Variants in ARHGAP24 observed in about 807,000 individuals in gnomAD.
ARHGAP24 encodes Rho GTPase activating protein 24.
Under a neutral mutation model 76.4 loss-of-function variants are expected in ARHGAP24, and 50 were observed. That is an observed-to-expected ratio of 0.65 (90% CI 0.52 to 0.83). The LOEUF is 0.83. Among genes scored for constraint, ARHGAP24 ranks in the 40% least tolerant of loss-of-function variants. The probability of loss-of-function intolerance (pLI) is 0.00; values close to 1 mark genes in which losing one functional copy is unlikely to be tolerated. For synonymous variants in ARHGAP24, 345 were observed against 323.3 expected (o/e 1.07, Z -0.72); for missense variants, 930 against 914.2 (o/e 1.02, Z -0.22).
At chr4:85,862,828 A>G (rs1027347695) in intron 3 of ARHGAP24, among the ~76,000 whole-genome samples, 2 of 152,044 alleles carry the variant, frequency 1.3e-5, no homozygotes, top group Admixed American at 6.6e-5. Context: ...AGTCCTTTCA[A>G]TGCTACTCCC....
intron 2 of ARHGAP24, among the ~76,000 whole-genome samples, chr4:85,598,643 T>G (rs893828124): frequency 1.3e-5 from 2 of 151,960 alleles, no homozygotes; most frequent in African/African-American, 4.8e-5. Flanking sequence ...ATAGTGTTAA[T>G]CATGACCCAA....
intron 6 of ARHGAP24, among the ~76,000 whole-genome samples, chr4:85,973,749 A>G (rs1039471527): frequency 6.6e-6 from 1 of 151,584 alleles, no homozygotes; most frequent in Non-Finnish European, 1.5e-5. Context: ...GTGGATATAC[A>G]ATTGTCCCAG....
At chr4:85,601,598 C>T (rs1301754104) in intron 2 of ARHGAP24, among the ~76,000 whole-genome samples, 1 of 152,112 alleles carries the variant, frequency 6.6e-6, no homozygotes, top group Admixed American at 6.6e-5. Context: ...GCCAAATTCT[C>T]CCAGTTGAGA....
At chr4:85,969,525 T>C (rs1287775434) in intron 5 of ARHGAP24, among the ~76,000 whole-genome samples, 1 of 152,150 alleles carries the variant, frequency 6.6e-6, no homozygotes, top group African/African-American at 2.4e-5. Context: ...TATGGCTAAT[T>C]GTCATTGACT....
At chr4:85,972,212 T>A in intron 6 of ARHGAP24, 44 bp downstream of exon 6, 5 of 1,609,310 alleles carry the variant, frequency 3.1e-6, no homozygotes, top group Non-Finnish European at 4.2e-6. Context: ...TGTTTGGAAT[T>A]TTTTTCTGTG....
intron 1 of ARHGAP24, among the ~76,000 whole-genome samples, chr4:85,559,042 G>T (rs555350841): frequency 6.6e-6 from 1 of 152,296 alleles, no homozygotes; most frequent in Non-Finnish European, 1.5e-5. Context: ...ATCAGGGAAA[G>T]TGCTGGAGGG....
intron 5 of ARHGAP24, among the ~76,000 whole-genome samples, chr4:85,968,470 T>C (rs1738763258): frequency 6.6e-6 from 1 of 152,190 alleles, no homozygotes; most frequent in African/African-American, 2.4e-5. Context: ...GATATCTAAT[T>C]AATTGGTTAA....
intron 3 of ARHGAP24, among the ~76,000 whole-genome samples, chr4:85,895,000 G>GAAAAAAAAAAAAA (rs1560701790): frequency 2.1e-5 from 1 of 47,992 alleles, no homozygotes; most frequent in Non-Finnish European, 4.5e-5. Context: ...AAAACAAAAA[G>GAAAAAAAAAAAAA]CAAAAAAAAA....
chr4:85,764,392 C>T lies in ARHGAP24; in HGVS notation c.268+42420C>T, dbSNP rs143275743. On this transcript the variant is annotated intron_variant, in intron 3 of 9. Coordinates refer to ENST00000395184, the MANE Select transcript of ARHGAP24 (RefSeq NM_001025616.3). ...CAGGAATACTAAACAATCAATAAAA[C>T]GCATTCCCAAGCAATATTAATGTGA... Among the ~76,000 whole-genome samples the T allele has an allele frequency of 2.4e-3, 359 of 152,230 alleles. 1 individual carries two copies. Among genetic ancestry groups the T allele is most frequent in the South Asian group, 0.017 (82 of 4,818 alleles).
At chr4:85,743,940 C>A (rs1474969577) in intron 3 of ARHGAP24, among the ~76,000 whole-genome samples, 1 of 152,018 alleles carries the variant, frequency 6.6e-6, no homozygotes, top group African/African-American at 2.4e-5. Context: ...TTATTTAATT[C>A]CTAGCATCTT....
At chr4:85,734,431 A>G (rs1725527761) in intron 3 of ARHGAP24, among the ~76,000 whole-genome samples, 1 of 152,160 alleles carries the variant, frequency 6.6e-6, no homozygotes, top group African/African-American at 2.4e-5. Flanking sequence ...AAAGTGGTAC[A>G]CCAATGCTTT....
At chr4:85,991,329 C>A (rs981285217) in intron 8 of ARHGAP24, 6 of 151,956 alleles carry the variant, frequency 3.9e-5, no homozygotes, top group Non-Finnish European at 8.8e-5. Flanking sequence ...ATGCAGTAAC[C>A]GTAAAACCCA....
At chr4:85,508,907 T>C (rs1724165791) in intron 1 of ARHGAP24, among the ~76,000 whole-genome samples, 1 of 152,002 alleles carries the variant, frequency 6.6e-6, no homozygotes, top group South Asian at 2.1e-4. Flanking sequence ...CCCTGTGACA[T>C]TTCCTCCTCT....
intron 3 of ARHGAP24, among the ~76,000 whole-genome samples, chr4:85,912,118 G>GA (rs1284364657): frequency 6.6e-6 from 1 of 152,164 alleles, no homozygotes; most frequent in Non-Finnish European, 1.5e-5. Flanking sequence ...TGAAATCATA[G>GA]TTGATTTGAA....
chr4:85,665,173 A>G (rs911101350), intron 2 of ARHGAP24, among the ~76,000 whole-genome samples: 14 of 152,078 alleles, frequency 9.2e-5, no homozygotes, highest in Non-Finnish European at 1.9e-4. Flanking sequence ...GTCACTAAGG[A>G]CTTGCTTTAT....
chr4:85,511,663 C>A (rs756897451), intron 1 of ARHGAP24, among the ~76,000 whole-genome samples: 19 of 152,164 alleles, frequency 1.2e-4, no homozygotes, highest in Non-Finnish European at 2.4e-4. Context: ...CAGGGTTTCT[C>A]CACATTGGTC....
Position 85,483,315 on chromosome 4 carries a change from A to G in ARHGAP24, c.-21+7756A>G, listed in dbSNP as rs140120280. ...GAATAGAATAAGATAGAATAGATGG[A>G]AAAAAAAACTCAGTGTTCATTATAT... On this transcript the variant is annotated intron_variant, in intron 1 of 9. Transcript: ENST00000395184. Among the ~76,000 whole-genome samples, 118 of 151,772 alleles carry G rather than the reference A, an allele frequency of 7.8e-4. No homozygotes were observed. The South Asian group carries it at 0.018, about 23-fold the overall frequency.
At chr4:85,689,885 G>T (rs776640262) in intron 2 of ARHGAP24, among the ~76,000 whole-genome samples, 1 of 152,126 alleles carries the variant, frequency 6.6e-6, no homozygotes, top group Non-Finnish European at 1.5e-5. Context: ...GTCTGTGTAG[G>T]ACTTACAGTA....
chr4:85,908,788 G>A (rs1194637683), intron 3 of ARHGAP24, among the ~76,000 whole-genome samples: 1 of 151,948 alleles, frequency 6.6e-6, no homozygotes, highest in African/African-American at 2.4e-5. Flanking sequence ...CAGAGCAAGG[G>A]AGTCAGGGAA....
Sources: gnomAD v4.1 joint callset for allele counts (sites outside exome capture counted in the v4.1 genomes callset) on GRCh38, gnomAD v4.1.1 for gene constraint, MANE v1.5 for transcripts, NCBI Gene and HGNC (gene_info 2026-07-23, HGNC 2026-07-21) for gene names.